Variants in ABL1 observed in about 807,000 individuals in gnomAD.
ABL1 encodes ABL proto-oncogene 1, non-receptor tyrosine kinase.
In ABL1, 11 loss-of-function variants were observed where a neutral mutation model predicts 94.7. The ratio of observed to expected loss-of-function variants is 0.12; its 90% CI spans 0.07 to 0.19. The LOEUF is 0.19. Among genes scored for constraint, ABL1 ranks in the 10% least tolerant of loss-of-function variants. The pLI is 1.00. For missense variants in ABL1, 1,082 were observed against 1,489.4 expected (o/e 0.73, Z 4.50); for synonymous variants, 656 against 622.4 (o/e 1.05, Z -0.80).
intron 3 of ABL1, among the ~76,000 whole-genome samples, chr9:130,857,901 A>T (rs904534002): frequency 1.3e-5 from 2 of 151,990 alleles, no homozygotes; most frequent in Non-Finnish European, 2.9e-5. Context: ...CCAGAGGTGG[A>T]GCTGCGTTCT....
upstream of ABL1, among the ~76,000 whole-genome samples, chr9:130,831,660 G>A (rs534795984): frequency 1.5e-3 from 225 of 152,208 alleles, no homozygotes; most frequent in African/African-American, 4.8e-3. Context: ...CCAGGCTGGA[G>A]TGCAGTGGTG....
At chr9:130,744,591 G>A (rs143296712) in intron 1 of ABL1, among the ~76,000 whole-genome samples, 20 of 150,830 alleles carry the variant, frequency 1.3e-4, no homozygotes, top group Non-Finnish European at 2.2e-4. Context: ...AGTGGCTCAC[G>A]CCTGTAATCC....
intron 1 of ABL1, among the ~76,000 whole-genome samples, chr9:130,774,231 T>C (rs1832286805): frequency 6.6e-6 from 1 of 152,224 alleles, no homozygotes; most frequent in Non-Finnish European, 1.5e-5. Flanking sequence ...AGAACACATA[T>C]GAACATATCT....
rs200897981 is a variant in ABL1 at position 130,884,401 on chromosome 9, A to T, written c.2111A>T (p.Glu704Val). 6.2e-7 allele frequency: 1 copy of T among 1,612,038 alleles called. No individual in the cohort carries two copies. The highest frequency in any genetic ancestry group is 2.2e-5 in the East Asian group (1 of 44,848). ...AGCCGCCTAGCCACCGGCGAGGAGGAGGGCGGTGGCAGCTCCAGCAAGCGC... is the reference window on the plus strand; with the variant it reads ...AGCCGCCTAGCCACCGGCGAGGAGGTGGGCGGTGGCAGCTCCAGCAAGCGC... The part of the protein sequence containing the change: ...TSSRLATGEE[E>V]GGGSSSKRFL... Residue 704 changes from glutamate to valine, a missense_variant, in exon 11 of 11, where the codon GAG becomes GTG. Physicochemically the swap from Glu to Val is moderately radical, Grantham distance 121 (BLOSUM62 -2). This residue lies in a region of ABL1 where 780 missense variants were observed against 835.8 expected (regional missense o/e 0.93). Coordinates refer to ENST00000318560, the MANE Select transcript of ABL1 (RefSeq NM_005157.6). This position sits in a 1 kb window ranked among gnomAD's most constrained non-coding sequence, Gnocchi z 5.6.
intron 1 of ABL1, among the ~76,000 whole-genome samples, chr9:130,731,573 G>A (rs1831667260): frequency 1.3e-5 from 2 of 152,096 alleles, no homozygotes; most frequent in South Asian, 4.2e-4. Flanking sequence ...TGTAAATCAG[G>A]TATACATGTA....
intron 1 of ABL1, among the ~76,000 whole-genome samples, chr9:130,808,234 T>TCTA (rs1830155537): frequency 7.1e-6 from 1 of 141,742 alleles, no homozygotes; most frequent in Non-Finnish European, 1.5e-5. Context: ...TTCTTCTTCT[T>TCTA]CTTCTTCTTC....
At chr9:130,746,165 G>C (rs1211219574) in intron 1 of ABL1, among the ~76,000 whole-genome samples, 1 of 151,128 alleles carries the variant, frequency 6.6e-6, no homozygotes, top group Non-Finnish European at 1.5e-5. Flanking sequence ...AAGGTCTTCT[G>C]GTCAGGGCAG....
In ABL1 at chr9:130,884,242, T is replaced by G. The variant is rs958613341; in HGVS notation, c.1952T>G (p.Leu651Trp). Residue 651 changes from leucine to tryptophan, a missense_variant, in exon 11 of 11, where the codon TTG (leucine) becomes TGG (tryptophan). Physicochemically the swap from Leu to Trp is moderately conservative, Grantham distance 61. Transcript: ENST00000318560. The surrounding 1 kb of genome is among the most constrained non-coding windows in gnomAD (Gnocchi z 5.6). ...AACGGGGCACTGGCTTTCACCCCCT[T>G]GGACACAGCTGACCCAGCCAAGTCC... ...ISNGALAFTP[L>W]DTADPAKSPK... 1.2e-5 allele frequency: 19 copies of G among 1,602,836 alleles called. No homozygotes were observed. Among genetic ancestry groups the G allele is most frequent in the Non-Finnish European group, 1.4e-5 (17 of 1,175,050 alleles).
chr9:130,801,118 C>T (rs927725455), intron 1 of ABL1, among the ~76,000 whole-genome samples: 1 of 151,902 alleles, frequency 6.6e-6, no homozygotes, highest in African/African-American at 2.4e-5. Flanking sequence ...TTAGTAGAGA[C>T]GGGGTTTCAC....
chr9:130,831,158 C>T (rs1830490328), upstream of ABL1, among the ~76,000 whole-genome samples: 1 of 152,152 alleles, frequency 6.6e-6, no homozygotes, highest in African/African-American at 2.4e-5. Context: ...ACCTCAAGAT[C>T]TTTGCTGTTC....
At chr9:130,832,344 T>C (rs1202890010), upstream of ABL1, among the ~76,000 whole-genome samples, 4 of 147,492 alleles carry the variant, frequency 2.7e-5, no homozygotes, top group African/African-American at 1.0e-4. Context: ...AAAAAAAAAA[T>C]CTTAAATAGC....
Position 130,887,445 on chromosome 9 carries a change from G to A in ABL1, c.*1762G>A, listed in dbSNP as rs1588285321. ...GGTCCCTTCCTTTTGTTAACGTGATGTGCCACTATATTTTACACGTATCTC... is the reference window on the plus strand; with the variant it reads ...GGTCCCTTCCTTTTGTTAACGTGATATGCCACTATATTTTACACGTATCTC... On this transcript the variant is annotated 3_prime_UTR_variant, in exon 11 of 11. Transcript: ENST00000318560. 2 of 233,430 alleles carry A rather than the reference G, an allele frequency of 8.6e-6. No individual in the cohort carries two copies. The highest frequency in any genetic ancestry group is 1.7e-5 in the Non-Finnish European group (2 of 118,022). 14.5% of individuals were successfully genotyped at this position (233,430 alleles called of 1,614,324 possible).
In ABL1 at chr9:130,835,789, C is replaced by T. The variant is rs1377198370; in HGVS notation, c.79+264C>T. 6.6e-6 allele frequency among the ~76,000 whole-genome samples: 1 copy of T among 152,178 alleles called. No individual in the cohort carries two copies. Among genetic ancestry groups the T allele is most frequent in the Non-Finnish European group, 1.5e-5 (1 of 68,032 alleles). On this transcript the variant is annotated intron_variant, in intron 1 of 10. Coordinates refer to ENST00000318560, the MANE Select transcript of ABL1 (RefSeq NM_005157.6). The surrounding 1 kb of genome is among the most constrained non-coding windows in gnomAD (Gnocchi z 4.6). ...TGTCTCTTTCTCTTTCTCGCGATGG[C>T]CCCTAGGCGCCGCCGGCGGAGCGTG...
intron 1 of ABL1, among the ~76,000 whole-genome samples, chr9:130,849,653 G>A (rs1442302776): frequency 6.6e-6 from 1 of 152,112 alleles, no homozygotes; most frequent in East Asian, 1.9e-4. Context: ...TAGCAGCTTG[G>A]ATTACAGGCA....
At chr9:130,853,164 ACTTTT>A (rs1200334111) in intron 1 of ABL1, among the ~76,000 whole-genome samples, 3 of 110,544 alleles carry the variant, frequency 2.7e-5, no homozygotes, top group Non-Finnish European at 5.3e-5. Context: ...GTACGATTTG[ACTTTT>A]CTTTTTTTTT....
intron 6 of ABL1, among the ~76,000 whole-genome samples, chr9:130,873,313 GC>G (rs1404745116): frequency 6.6e-6 from 1 of 152,206 alleles, no homozygotes; most frequent in Non-Finnish European, 1.5e-5. Flanking sequence ...ACCATTTTGG[GC>G]TAAGTGGAAT....
At chr9:130,762,801 C>T (rs141273446) in intron 1 of ABL1, among the ~76,000 whole-genome samples, 1 of 151,242 alleles carries the variant, frequency 6.6e-6, no homozygotes, top group Non-Finnish European at 1.5e-5. Context: ...GTCCCAGCTA[C>T]TCGGGAGGCT....
At chr9:130,792,831 C>T (rs1043761126) in intron 1 of ABL1, among the ~76,000 whole-genome samples, 1 of 152,150 alleles carries the variant, frequency 6.6e-6, no homozygotes, top group Non-Finnish European at 1.5e-5. Context: ...CCAGAACTAC[C>T]CCATGCAGCT....
chr9:130,834,685 G>C (rs3134875), upstream of ABL1, among the ~76,000 whole-genome samples: 23,718 of 152,158 alleles, frequency 0.16, 2,026 homozygotes, highest in African/African-American at 0.21. Context: ...TTCGCAGCCT[G>C]ACCTCATATC....
Sources: allele counts gnomAD v4.1 joint callset (sites outside exome capture counted in the v4.1 genomes callset), GRCh38; gene constraint gnomAD v4.1.1; regional missense constraint gnomAD v4.1.1; non-coding constraint Gnocchi (gnomAD v3.1); transcripts MANE v1.5; gene names NCBI Gene and HGNC (gene_info 2026-07-23, HGNC 2026-07-21).